Variants in TMEM204 observed in about 807,000 individuals in gnomAD.
The protein encoded by TMEM204 is transmembrane protein 204.
A neutral mutation model predicts 19.4 loss-of-function variants in TMEM204; 15 were observed. That is an observed-to-expected ratio of 0.77 (90% CI 0.52 to 1.19). The LOEUF (loss-of-function observed/expected upper bound fraction) is 1.19, where lower values mean the gene tolerates loss of function less well. Among genes scored for constraint, TMEM204 ranks in the 50% most tolerant of loss-of-function variants. The pLI is 0.00. For missense variants in TMEM204, 287 were observed against 321.2 expected (o/e 0.89, Z 0.81); for synonymous variants, 161 against 146.0 (o/e 1.10, Z -0.74).
At position 1,554,985 on chromosome 16, in the gene TMEM204, C is replaced by T. The variant is rs764618204; in HGVS notation, c.640C>T (p.Arg214Cys). The change falls in exon 3 of 3, where the codon CGC (arginine) becomes TGC (cysteine). Residue 214 changes from arginine (R) to cysteine (C), a missense_variant. By Grantham distance (180) the Arg-to-Cys change is radical. Transcript: ENST00000566264. Reference sequence around the variant, plus strand: ...CAGCCGCTCCCTGACAGCGCGCTTTCGCCGTGGGCTGGACAATGACTACGT... The same window carrying T: ...CAGCCGCTCCCTGACAGCGCGCTTTTGCCGTGGGCTGGACAATGACTACGT... ...VISRSLTARF[R>C]RGLDNDYVES... 13 of 1,613,516 alleles carry T rather than the reference C, an allele frequency of 8.1e-6. No homozygotes were observed. The Admixed American group carries it at 1.5e-4, about 19-fold the overall frequency.
At chr16:1,544,682 C>T (rs183277603) in intron 2 of TMEM204, among the ~76,000 whole-genome samples, 2,603 of 151,220 alleles carry the variant, frequency 0.017, 26 homozygotes, top group Non-Finnish European at 0.026. Flanking sequence ...GGAGTCTCGC[C>T]CTGTGGCCCA....
rs1189682690 is a variant in TMEM204, at chr16:1,551,527, C to T, written c.437-3255C>T. Among the ~76,000 whole-genome samples, 2 of 152,264 alleles carry T rather than the reference C, an allele frequency of 1.3e-5. No individual in the cohort carries two copies. Among genetic ancestry groups the T allele is most frequent in the Admixed American group, 6.5e-5 (1 of 15,296 alleles). The stretch of plus-strand genomic sequence containing the variant: ...ACAAGGGTGCTGAGTGCTGGGGAGA[C>T]AGGATGTGAGTTTCATACAGATCAG... On this transcript the variant is annotated intron_variant, in intron 2 of 2. Coordinates refer to ENST00000566264, the MANE Select transcript of TMEM204 (RefSeq NM_024600.6). The surrounding 1 kb of genome is among the most constrained non-coding windows in gnomAD (Gnocchi z 4.0).
chr16:1,551,866 G>C lies in TMEM204; in HGVS notation c.437-2916G>C, dbSNP rs997211118. Among the ~76,000 whole-genome samples the C allele has an allele frequency of 6.6e-6, 1 of 152,132 alleles. No homozygotes were observed. The highest frequency in any genetic ancestry group is 2.4e-5 in the African/African-American group (1 of 41,442). On this transcript the variant is annotated intron_variant, in intron 2 of 2. Transcript: ENST00000566264. This position sits in a 1 kb window ranked among gnomAD's most constrained non-coding sequence, Gnocchi z 4.0. ...GAGTTTTCTTCCCGAGGTTTTCCTA[G>C]AAAGCCACTGTAAATCCGAGCTGTG...
At chr16:1,549,314 C>T (rs963305433) in intron 2 of TMEM204, among the ~76,000 whole-genome samples, 1 of 152,290 alleles carries the variant, frequency 6.6e-6, no homozygotes, top group African/African-American at 2.4e-5. Flanking sequence ...ATTTTCCCAT[C>T]TGCTTCTGTG....
intron 1 of TMEM204, among the ~76,000 whole-genome samples, chr16:1,535,411 ACT>A (rs1370799585): frequency 1.3e-5 from 2 of 151,988 alleles, no homozygotes; most frequent in African/African-American, 4.8e-5. Context: ...CCAAAGGCCG[ACT>A]CTCTGAAACT....
intron 1 of TMEM204, chr16:1,541,390 C>G: frequency 2.0e-6 from 2 of 985,452 alleles, no homozygotes; most frequent in Non-Finnish European, 2.4e-6. Context: ...CCAAGTCCCT[C>G]AGCTGCTGGG....
intron 2 of TMEM204, among the ~76,000 whole-genome samples, chr16:1,545,068 A>C (rs1226165128): frequency 6.6e-6 from 1 of 152,254 alleles, no homozygotes; most frequent in African/African-American, 2.4e-5. Context: ...TTTCAGGACA[A>C]GATAGTGTTT....
intron 1 of TMEM204, among the ~76,000 whole-genome samples, chr16:1,539,136 C>T (rs562109783): frequency 2.0e-5 from 3 of 150,704 alleles, no homozygotes; most frequent in Non-Finnish European, 4.4e-5. Flanking sequence ...GCCAGACGGC[C>T]CCACGCCTCA....
rs923091407 is a variant in TMEM204 at position 1,551,557 on chromosome 16, C to T, written c.437-3225C>T. 1.3e-5 allele frequency among the ~76,000 whole-genome samples: 2 copies of T among 152,276 alleles called. No homozygotes were observed. The highest frequency in any genetic ancestry group is 3.9e-4 in the East Asian group (2 of 5,186). On this transcript the variant is annotated intron_variant, in intron 2 of 2. Coordinates refer to ENST00000566264, the MANE Select transcript of TMEM204 (RefSeq NM_024600.6). The surrounding 1 kb of genome is among the most constrained non-coding windows in gnomAD (Gnocchi z 4.0). ...TGTGAGTTTCATACAGATCAGGGTG[C>T]AGCGGTGGAGGGAGGGCCGCCTGCA...
At chr16:1,549,229 C>T (rs375869977) in intron 2 of TMEM204, among the ~76,000 whole-genome samples, 1 of 152,258 alleles carries the variant, frequency 6.6e-6, no homozygotes, top group African/African-American at 2.4e-5. Context: ...CAAAAGCCGA[C>T]GCTGCTCTCC....
chr16:1,542,337 C>T (rs1011565434), intron 2 of TMEM204, among the ~76,000 whole-genome samples: 2 of 152,266 alleles, frequency 1.3e-5, no homozygotes, highest in African/African-American at 4.8e-5. Context: ...CCCTTTTCCA[C>T]TTTAAAGGCT....
rs1260701017 is a variant in TMEM204, at chr16:1,551,341, G to A, written c.437-3441G>A. 6.6e-6 allele frequency among the ~76,000 whole-genome samples: 1 copy of A among 152,050 alleles called. No homozygotes were observed. The highest frequency in any genetic ancestry group is 1.5e-5 in the Non-Finnish European group (1 of 67,998). On this transcript the variant is annotated intron_variant, in intron 2 of 2. Coordinates refer to ENST00000566264, the MANE Select transcript of TMEM204 (RefSeq NM_024600.6). The surrounding 1 kb of genome is among the most constrained non-coding windows in gnomAD (Gnocchi z 4.0). ...GCCCGAAGGATCAGCAGCAGGAGGG[G>A]CCCCTCCTCCCCAGGGCCAGTCAAG...
Position 1,555,357 on chromosome 16 carries a change from A to G in TMEM204, c.*331A>G. On this transcript the variant is annotated 3_prime_UTR_variant, in exon 3 of 3. Coordinates refer to ENST00000566264, the MANE Select transcript of TMEM204 (RefSeq NM_024600.6). Reference sequence around the variant, plus strand: ...GCCCTGCGCTCCGCTTTGCTTTGGGATTAATTTATTCTGCATCTGCTGAGA... The same window carrying G: ...GCCCTGCGCTCCGCTTTGCTTTGGGGTTAATTTATTCTGCATCTGCTGAGA... 1 of 289,296 alleles carries G rather than the reference A, an allele frequency of 3.5e-6. No homozygotes were observed. Among genetic ancestry groups the G allele is most frequent in the Non-Finnish European group, 6.5e-6 (1 of 152,878 alleles). 17.9% of individuals were successfully genotyped at this position (289,296 alleles called of 1,614,324 possible).
chr16:1,552,936 A>T (rs1470278138), intron 2 of TMEM204: 1 of 983,480 alleles, frequency 1.0e-6, no homozygotes, highest in African/African-American at 1.8e-5. Flanking sequence ...TATAGGCGTA[A>T]ACCACTGTGC....
At chr16:1,536,311 C>G (rs1163850433) in intron 1 of TMEM204, among the ~76,000 whole-genome samples, 1 of 152,242 alleles carries the variant, frequency 6.6e-6, no homozygotes, top group Non-Finnish European at 1.5e-5. Flanking sequence ...AGGCGCCCGG[C>G]TGTCCACTTG....
At position 1,554,903 on chromosome 16, in the gene TMEM204, C is replaced by T. The variant is rs1476430331; in HGVS notation, c.558C>T (p.Leu186=). 1.9e-6 allele frequency: 3 copies of T among 1,614,244 alleles called. No homozygotes were observed. The highest frequency in any genetic ancestry group is 1.7e-6 in the Non-Finnish European group (2 of 1,180,050). Residue 186 remains leucine (L), a synonymous_variant, in exon 3 of 3, where the codon CTC becomes CTT. Transcript: ENST00000566264. ...TGGCCACGCTGGCGGCAGCCATGCT[C>T]ATCTGGAACATTCTCCACAAGAGGG... ...CLLATLAAAM[L]IWNILHKRED...
chr16:1,540,946 G>A lies in TMEM204; in HGVS notation c.281-975G>A, dbSNP rs1031058876. 43 of 985,326 alleles carry A rather than the reference G, an allele frequency of 4.4e-5. No individual in the cohort carries two copies. The African/African-American group carries it at 7.3e-4, about 17-fold the overall frequency. The allele number at this position is 985,326 out of a possible 1,614,324, so 61.0% of individuals were successfully genotyped here. A position where few individuals can be genotyped will look rare whatever the true frequency, so the allele number is the denominator to read the frequency against. On this transcript the variant is annotated intron_variant, in intron 1 of 2. Transcript: ENST00000566264. ...ACACACATTGTCTGCTCTGCAGCGT[G>A]CAGGGGCCTGGGAACACACTGCTTC... is the stretch of plus-strand genomic sequence containing the variant.
rs2032967347 is a variant in TMEM204 at position 1,554,936 on chromosome 16, C to A, written c.591C>A (p.Cys197Ter). ...IWNILHKRED[C>*]MAPRVIVISR... ...ACATTCTCCACAAGAGGGAGGACTG[C>A]ATGGCCCCCCGGGTGATTGTCATCA... Residue 197 changes from cysteine to a stop codon, truncating the protein, a stop_gained, in exon 3 of 3, where the codon TGC becomes TGA. Coordinates refer to ENST00000566264, the MANE Select transcript of TMEM204 (RefSeq NM_024600.6). LOFTEE classifies it high-confidence loss of function. The A allele has an allele frequency of 6.2e-7, 1 of 1,614,056 alleles. No individual in the cohort carries two copies. Among genetic ancestry groups the A allele is most frequent in the Non-Finnish European group, 8.5e-7 (1 of 1,180,046 alleles).
At chr16:1,539,220 A>C (rs796512968) in intron 1 of TMEM204, among the ~76,000 whole-genome samples, 3,175 of 125,906 alleles carry the variant, frequency 0.025, 118 homozygotes, top group African/African-American at 0.09. Context: ...GCCAACGCCG[A>C]CCCAAGCCTC....
Sources: gnomAD v4.1 joint callset for allele counts (sites outside exome capture counted in the v4.1 genomes callset) on GRCh38, gnomAD v4.1.1 for gene constraint, Gnocchi (gnomAD v3.1) non-coding constraint, MANE v1.5 for transcripts, NCBI Gene and HGNC (gene_info 2026-07-23, HGNC 2026-07-21) for gene names.